Variants in TMEM132B observed in about 807,000 individuals in gnomAD.
TMEM132B encodes the protein transmembrane protein 132B.
Under a neutral mutation model 90.8 loss-of-function variants are expected in TMEM132B, and 18 were observed. The observed-to-expected ratio is 0.20, with a 90% confidence interval of 0.14 to 0.29. The LOEUF (loss-of-function observed/expected upper bound fraction) is 0.29. Ranked by LOEUF, TMEM132B falls within the 10% of genes least tolerant of loss-of-function variation. TMEM132B has a pLI of 1.00. For synonymous variants in TMEM132B, 504 were observed against 523.3 expected, an observed-to-expected ratio of 0.96 and a Z score of 0.50; for missense variants, 1,096 against 1,326.8, an observed-to-expected ratio of 0.83 and a Z score of 2.70.
chr12:125,609,801 A>C (rs1356674586), intron 5 of TMEM132B, among the ~76,000 whole-genome samples: 1 of 123,796 alleles, frequency 8.1e-6, no homozygotes, highest in Non-Finnish European at 1.6e-5. Context: ...TGGGCGACAG[A>C]GTGAGACTCT....
chr12:125,308,992 A>G (rs1876061703), intron 1 of TMEM132B, among the ~76,000 whole-genome samples: 1 of 152,146 alleles, frequency 6.6e-6, no homozygotes, highest in Non-Finnish European at 1.5e-5. Context: ...AGCCAACAAT[A>G]TATTCTGTAG....
rs573145484 is a variant in TMEM132B at position 125,406,152 on chromosome 12, A to G, written c.960-9379A>G. On this transcript the variant is annotated intron_variant, in intron 2 of 8. Transcript: ENST00000682704. This position sits in a 1 kb window ranked among gnomAD's most constrained non-coding sequence, Gnocchi z 8.3. ...TAGATCTTTTTGCTAGTGAATTTCC[A>G]GTAGACTGTGAGTACCTTTTACTGT... 5.9e-5 allele frequency among the ~76,000 whole-genome samples: 9 copies of G among 152,292 alleles called. No homozygotes were observed. The highest frequency in any genetic ancestry group is 2.2e-4 in the African/African-American group (9 of 41,570).
chr12:125,439,480 G>A (rs2136424592), intron 3 of TMEM132B, among the ~76,000 whole-genome samples: 1 of 152,212 alleles, frequency 6.6e-6, no homozygotes, highest in South Asian at 2.1e-4. Flanking sequence ...GGCTACTGTT[G>A]GTATGTAGGA....
At chr12:125,413,134 C>G (rs1879904158) in intron 2 of TMEM132B, among the ~76,000 whole-genome samples, 1 of 152,104 alleles carries the variant, frequency 6.6e-6, no homozygotes, top group South Asian at 2.1e-4. Context: ...CCTTAAGGTT[C>G]CTTACGGTGG....
At chr12:125,589,913 A>G (rs1566082846) in intron 5 of TMEM132B, among the ~76,000 whole-genome samples, 1 of 152,012 alleles carries the variant, frequency 6.6e-6, no homozygotes, top group Non-Finnish European at 1.5e-5. Flanking sequence ...TCAGCCTCCA[A>G]ATCTCATGTT....
chr12:125,602,202 T>C (rs4765264), intron 5 of TMEM132B, among the ~76,000 whole-genome samples: 92,657 of 152,126 alleles, frequency 0.61, 30,739 homozygotes, highest in African/African-American at 0.88. Context: ...AACATCGATG[T>C]GAAAATCCTC....
At position 125,654,830 on chromosome 12, in the gene TMEM132B, A is replaced by T. The variant is rs1887021515; in HGVS notation, c.*120A>T. 1.7e-6 allele frequency: 2 copies of T among 1,201,780 alleles called. No individual in the cohort carries two copies. Among genetic ancestry groups the T allele is most frequent in the Non-Finnish European group, 2.3e-6 (2 of 868,576 alleles). The allele number at this position is 1,201,780 out of a possible 1,614,324, so 74.4% of individuals were successfully genotyped here. On this transcript the variant is annotated 3_prime_UTR_variant, in exon 9 of 9. Transcript: ENST00000682704. The surrounding 1 kb of genome is among the most constrained non-coding windows in gnomAD (Gnocchi z 5.8). ...GTTTGATTTGTGGAGGTCTGGTGGG[A>T]TTCATTTCTAAGCAGGTAAAAGAGG...
At chr12:125,190,929 T>C (rs1243871869) in intron 1 of TMEM132B, among the ~76,000 whole-genome samples, 1 of 28,332 alleles carries the variant, frequency 3.5e-5, no homozygotes. Flanking sequence ...GGGGTGGTGA[T>C]GGTGACGGGG....
At chr12:125,616,355 A>G (rs2136958601) in intron 5 of TMEM132B, among the ~76,000 whole-genome samples, 1 of 152,246 alleles carries the variant, frequency 6.6e-6, no homozygotes, top group Non-Finnish European at 1.5e-5. Flanking sequence ...GGAGGCTTGG[A>G]CTATGGCAAA....
At chr12:125,628,680 T>C (rs987951670) in intron 5 of TMEM132B, among the ~76,000 whole-genome samples, 3 of 152,182 alleles carry the variant, frequency 2.0e-5, no homozygotes, top group Non-Finnish European at 2.9e-5. Context: ...ATTTTTGCTT[T>C]GGTTGCCTAT....
intron 1 of TMEM132B, among the ~76,000 whole-genome samples, chr12:125,336,999 A>G (rs982539): frequency 0.54 from 82,300 of 152,066 alleles, 24,102 homozygotes; most frequent in African/African-American, 0.75. Context: ...AGCTGGTGGT[A>G]CCTATAGGAG....
At chr12:125,252,996 T>C (rs1874349903) in intron 1 of TMEM132B, among the ~76,000 whole-genome samples, 1 of 152,360 alleles carries the variant, frequency 6.6e-6, no homozygotes, top group South Asian at 2.1e-4. Flanking sequence ...CTGTTTGCTC[T>C]GTGTCTGGAG....
intron 3 of TMEM132B, among the ~76,000 whole-genome samples, chr12:125,506,905 A>G (rs909627804): frequency 2.0e-5 from 3 of 152,250 alleles, no homozygotes; most frequent in Admixed American, 6.5e-5. Context: ...CTGAGTGCCC[A>G]ATAAGTTAGG....
Position 125,207,485 on chromosome 12 carries a change from C to T in TMEM132B, c.67+20619C>T, listed in dbSNP as rs139294843. On this transcript the variant is annotated intron_variant, in intron 1 of 8. Transcript: ENST00000682704. ...GTGATGGAGATCTTCTCTAGCTGCA[C>T]TGTTCAATATGGTATCCGCCAGCCA... Among the ~76,000 whole-genome samples, 3 of 152,336 alleles carry T rather than the reference C, an allele frequency of 2.0e-5. No homozygotes were observed. In the East Asian group the frequency reaches 5.8e-4, roughly 29 times the overall value.
intron 3 of TMEM132B, among the ~76,000 whole-genome samples, chr12:125,462,199 A>G (rs1300621396): frequency 1.3e-5 from 2 of 152,230 alleles, no homozygotes; most frequent in Admixed American, 6.5e-5. Flanking sequence ...CTAAAATCAT[A>G]TATGTCCCCT....
chr12:125,649,116 C>G (rs963898667), intron 6 of TMEM132B, among the ~76,000 whole-genome samples: 1 of 152,204 alleles, frequency 6.6e-6, no homozygotes, highest in African/African-American at 2.4e-5. Context: ...CGGAGATACT[C>G]ATTTCTTACT....
intron 5 of TMEM132B, among the ~76,000 whole-genome samples, chr12:125,625,301 T>A (rs1886207297): frequency 6.6e-6 from 1 of 151,866 alleles, no homozygotes; most frequent in Non-Finnish European, 1.5e-5. Context: ...CCCAGCTAAT[T>A]TTTTTATATT....
chr12:125,533,580 G>C (rs1007234174), intron 4 of TMEM132B, among the ~76,000 whole-genome samples: 1 of 152,164 alleles, frequency 6.6e-6, no homozygotes, highest in African/African-American at 2.4e-5. Flanking sequence ...ATTGGCATCC[G>C]CCTCTCCTCC....
At chr12:125,238,617 T>C (rs1300941300) in intron 1 of TMEM132B, among the ~76,000 whole-genome samples, 4 of 152,184 alleles carry the variant, frequency 2.6e-5, no homozygotes, top group Non-Finnish European at 5.9e-5. Context: ...TTGAGAAACA[T>C]TTTGTTCGGA....
Sources: allele counts gnomAD v4.1 joint callset (sites outside exome capture counted in the v4.1 genomes callset), GRCh38; gene constraint gnomAD v4.1.1; non-coding constraint Gnocchi (gnomAD v3.1); transcripts MANE v1.5; gene names NCBI Gene and HGNC (gene_info 2026-07-23, HGNC 2026-07-21).